Variants in GPC1 observed in about 807,000 individuals in gnomAD.
The protein encoded by GPC1 is glypican 1.
In GPC1, 26 loss-of-function variants were observed where a neutral mutation model predicts 51.5. The ratio of observed to expected loss-of-function variants is 0.50; its 90% CI spans 0.37 to 0.70. GPC1 has a LOEUF of 0.70. GPC1 is among the 30% of genes least tolerant of loss of function. GPC1 has a pLI of 0.00. For missense variants in GPC1, 775 were observed against 800.5 expected (o/e 0.97, Z 0.38); for synonymous variants, 380 against 348.3 (o/e 1.09, Z -1.01).
chr2:240,466,352 G>A lies in GPC1; in HGVS notation c.*62G>A, dbSNP rs1032452836. ...ACTTTGCCAAAAATACAACACAGAC[G>A]ATATTTAATTCACCTCAGCCTGGAG... On this transcript the variant is annotated 3_prime_UTR_variant, in exon 9 of 9. Coordinates refer to ENST00000264039, the MANE Select transcript of GPC1 (RefSeq NM_002081.3). The A allele has an allele frequency of 5.3e-6, 5 of 938,032 alleles. No individual in the cohort carries two copies. The highest frequency in any genetic ancestry group is 2.9e-5 in the South Asian group (2 of 69,222). The allele number at this position is 938,032 out of a possible 1,614,324, so 58.1% of individuals were successfully genotyped here.
chr2:240,454,358 C>T (rs1356194709), intron 1 of GPC1, among the ~76,000 whole-genome samples: 2 of 152,174 alleles, frequency 1.3e-5, no homozygotes, highest in Non-Finnish European at 2.9e-5. Context: ...GCACCCTCAC[C>T]CCAGGAGGCT....
Position 240,465,454 on chromosome 2 carries a change from C to G in GPC1, c.1269-19C>G. On this transcript the variant is annotated intron_variant, in intron 7 of 8. Coordinates refer to ENST00000264039, the MANE Select transcript of GPC1 (RefSeq NM_002081.3). ...AGGGGCTGGAGCAGTGACCTGGGCT[C>G]TGCCTGCCTTTCCCCCAGGTACCTC... 1.2e-6 allele frequency: 2 copies of G among 1,611,296 alleles called. No individual in the cohort carries two copies. The highest frequency in any genetic ancestry group is 1.1e-5 in the South Asian group (1 of 90,996).
chr2:240,462,316 T>C lies in GPC1; in HGVS notation c.451T>C (p.Tyr151His). Residue 151 changes from tyrosine (Y) to histidine (H), a missense_variant, in exon 3 of 9, where the codon TAC becomes CAC. Physicochemically the swap from Tyr to His is moderately conservative, Grantham distance 83. Coordinates refer to ENST00000264039, the MANE Select transcript of GPC1 (RefSeq NM_002081.3). ...FRDLYSELRL[Y>H]YRGANLHLEE... ...GGACCTGTACTCAGAGCTGCGCCTGTACTACCGCGGTGCCAACCTGCACCT... is the reference window on the plus strand; with the variant it reads ...GGACCTGTACTCAGAGCTGCGCCTGCACTACCGCGGTGCCAACCTGCACCT... The C allele has an allele frequency of 6.2e-7, 1 of 1,607,046 alleles. No individual in the cohort carries two copies. Among genetic ancestry groups the C allele is most frequent in the East Asian group, 2.2e-5 (1 of 44,538 alleles).
chr2:240,458,227 C>G (rs1186278374), intron 1 of GPC1: 1 of 390,042 alleles, frequency 2.6e-6, no homozygotes, highest in Non-Finnish European at 5.5e-6. Context: ...ACACCCATTC[C>G]AGGTGGGCCC....
At chr2:240,441,790 A>G (rs974788886) in intron 1 of GPC1, among the ~76,000 whole-genome samples, 1 of 152,176 alleles carries the variant, frequency 6.6e-6, no homozygotes, top group African/African-American at 2.4e-5. Context: ...GGCTTGGGCC[A>G]GGGAAGCGGG....
chr2:240,450,563 A>G (rs1277874503), intron 1 of GPC1: 4 of 469,702 alleles, frequency 8.5e-6, no homozygotes, highest in South Asian at 3.1e-5. Flanking sequence ...TGAGCTCTGC[A>G]TCTTAGCAGG....
rs547285592 is a variant in GPC1, at chr2:240,456,374, C to T, written c.167-2656C>T. ...CGCGAGGGAGGGGCACAGGAGGAGC[C>T]GGCGGGGGACGCCACCCACCCTCCT... On this transcript the variant is annotated intron_variant, in intron 1 of 8. Coordinates refer to ENST00000264039, the MANE Select transcript of GPC1 (RefSeq NM_002081.3). Among the ~76,000 whole-genome samples, 16 of 152,234 alleles carry T rather than the reference C, an allele frequency of 1.1e-4. No homozygotes were observed. In the South Asian group the frequency reaches 2.1e-3, roughly 20 times the overall value.
At chr2:240,442,692 A>G (rs543020484) in intron 1 of GPC1, among the ~76,000 whole-genome samples, 237 of 152,358 alleles carry the variant, frequency 1.6e-3, no homozygotes, top group Non-Finnish European at 2.6e-3. Flanking sequence ...GTTAGGCCTC[A>G]GCCATGTGGG....
At chr2:240,438,929 G>A (rs2074001029) in intron 1 of GPC1, among the ~76,000 whole-genome samples, 1 of 152,174 alleles carries the variant, frequency 6.6e-6, no homozygotes, top group Non-Finnish European at 1.5e-5. Context: ...GCACGGCACA[G>A]AAGGCAAGGG....
At position 240,466,234 on chromosome 2, in the gene GPC1, C is replaced by A; in HGVS notation, c.1621C>A (p.Leu541Ile). 6.2e-7 allele frequency: 1 copy of A among 1,612,216 alleles called. No individual in the cohort carries two copies. The highest frequency in any genetic ancestry group is 1.1e-5 in the South Asian group (1 of 91,060). The change falls in exon 9 of 9, where the codon CTC (leucine) becomes ATC (isoleucine). Residue 541 changes from leucine to isoleucine, a missense_variant. Physicochemically the swap from Leu to Ile is conservative, Grantham distance 5. Transcript: ENST00000264039. ...CAGCTGCCCCCAGCCCCCGACCTTC[C>A]TCCTGCCCCTCCTCCTCTTCCTGGC... ...AASCPQPPTF[L>I]LPLLLFLALT... is the part of the protein sequence containing the mutation.
chr2:240,457,494 AC>A, intron 1 of GPC1: 1 of 469,310 alleles, frequency 2.1e-6, no homozygotes, highest in Non-Finnish European at 4.4e-6. Flanking sequence ...CTGGGTCCCC[AC>A]CCCAGATGGC....
chr2:240,462,623 C>T (rs1487697767), intron 3 of GPC1, 41 bp downstream of exon 3: 2 of 1,484,382 alleles, frequency 1.3e-6, no homozygotes, highest in African/African-American at 2.8e-5. Flanking sequence ...CCCCTCCAGA[C>T]CCCCATGCTC....
intron 2 of GPC1, among the ~76,000 whole-genome samples, chr2:240,461,288 C>T (rs913411219): frequency 2.0e-5 from 3 of 152,186 alleles, no homozygotes; most frequent in African/African-American, 7.2e-5. Context: ...AGATCTCAGG[C>T]TTGACGGCCC....
chr2:240,465,708 G>T, intron 8 of GPC1, 60 bp downstream of exon 8: 2 of 1,446,604 alleles, frequency 1.4e-6, no homozygotes, highest in South Asian at 2.4e-5. Flanking sequence ...TGCCACAGGG[G>T]TGTGACTGCC....
intron 1 of GPC1, chr2:240,450,787 A>C: frequency 2.1e-6 from 1 of 470,184 alleles, no homozygotes; most frequent in Non-Finnish European, 4.4e-6. Context: ...GCCTTTATTC[A>C]GTACCAGGGT....
At position 240,464,843 on chromosome 2, in the gene GPC1, A is replaced by G; in HGVS notation, c.1015-13A>G. On this transcript the variant is annotated splice_polypyrimidine_tract_variant and intron_variant, in intron 5 of 8. Transcript: ENST00000264039. ...CCCCACTACCCCCCAAGGACCCTGC[A>G]GTGTCTCTCCAGGTCATCCAGGGCT... 6.4e-7 allele frequency: 1 copy of G among 1,560,058 alleles called. No homozygotes were observed. The highest frequency in any genetic ancestry group is 8.7e-7 in the Non-Finnish European group (1 of 1,151,238).
chr2:240,465,663 T>A lies in GPC1; in HGVS notation c.1444+15T>A, dbSNP rs1469972571. On this transcript the variant is annotated intron_variant, in intron 8 of 8. Transcript: ENST00000264039. ...CCAGGACGCCAGTGAGGGCAGGGCC[T>A]GGCCGGGCGGCCAAGGGGCCAGGGT... 2 of 1,610,494 alleles carry A rather than the reference T, an allele frequency of 1.2e-6. No individual in the cohort carries two copies. Among genetic ancestry groups the A allele is most frequent in the East Asian group, 4.5e-5 (2 of 44,842 alleles).
chr2:240,459,670 C>T (rs1211299046), intron 2 of GPC1, among the ~76,000 whole-genome samples: 1 of 152,156 alleles, frequency 6.6e-6, no homozygotes, highest in East Asian at 1.9e-4. Context: ...GGGTGGCCGC[C>T]ACTCAGCCCT....
chr2:240,456,983 G>C (rs988541648), intron 1 of GPC1, among the ~76,000 whole-genome samples: 21 of 152,128 alleles, frequency 1.4e-4, no homozygotes, highest in African/African-American at 5.1e-4. Context: ...AGGCCCTCCT[G>C]GCCCCAGACT....
Sources: gnomAD v4.1 joint callset for allele counts (sites outside exome capture counted in the v4.1 genomes callset) on GRCh38, gnomAD v4.1.1 for gene constraint, MANE v1.5 for transcripts, NCBI Gene and HGNC (gene_info 2026-07-23, HGNC 2026-07-21) for gene names.